Variants in SCAP observed in about 807,000 individuals in gnomAD.
SCAP encodes the protein SREBF chaperone, also known as sterol regulatory element-binding protein cleavage-activating protein.
Under a neutral mutation model 123.6 loss-of-function variants are expected in SCAP, and 65 were observed. The ratio of observed to expected loss-of-function variants is 0.53; its 90% confidence interval spans 0.43 to 0.65. The LOEUF (loss-of-function observed/expected upper bound fraction) is 0.65, where lower values mean the gene tolerates loss of function less well. Ranked by LOEUF, SCAP falls within the 30% of genes least tolerant of loss-of-function variation. The probability of loss-of-function intolerance (pLI) is 0.00; values close to 1 mark genes in which losing one functional copy is unlikely to be tolerated. For synonymous variants in SCAP, 740 were observed against 726.3 expected, an observed-to-expected ratio of 1.02 and a Z score of -0.30; for missense variants, 1,398 against 1,712.5, an observed-to-expected ratio of 0.82 and a Z score of 3.24.
At position 47,414,261 on chromosome 3, in the gene SCAP, G is replaced by C. The variant is rs1262125660; in HGVS notation, c.3513C>G (p.Ser1171=). ...GDVTSLTCTT[S]CVISSGLDDL... Reference sequence around the variant, plus strand: ...CATCCAGGCCACTGCTGATGACACAGGAGGTGGTACAGGTAAGGGAGGTGA... The same window carrying C: ...CATCCAGGCCACTGCTGATGACACACGAGGTGGTACAGGTAAGGGAGGTGA... Residue 1171 remains serine (S), a synonymous_variant, in exon 22 of 23, where the codon TCC becomes TCG. Coordinates refer to ENST00000265565, the MANE Select transcript of SCAP (RefSeq NM_012235.4). The C allele has an allele frequency of 6.2e-7, 1 of 1,613,638 alleles. No individual in the cohort carries two copies. Among genetic ancestry groups the C allele is most frequent in the Non-Finnish European group, 8.5e-7 (1 of 1,180,030 alleles).
intron 1 of SCAP, among the ~76,000 whole-genome samples, chr3:47,452,813 G>A (rs2101247): frequency 0.38 from 57,434 of 151,844 alleles, 11,224 homozygotes; most frequent in East Asian, 0.53. Context: ...GGCAGGCATC[G>A]TAGCTAACTA....
At chr3:47,460,726 TTTC>T (rs1707601520) in intron 1 of SCAP, among the ~76,000 whole-genome samples, 1 of 151,836 alleles carries the variant, frequency 6.6e-6, no homozygotes, top group Non-Finnish European at 1.5e-5. Flanking sequence ...CCCAGCTAAT[TTTC>T]TTATTTTTAG....
chr3:47,462,753 C>CAAAAAA (rs369097240), intron 1 of SCAP, among the ~76,000 whole-genome samples: 2 of 79,612 alleles, frequency 2.5e-5, no homozygotes, highest in East Asian at 3.2e-4. Context: ...AACTCCGTCT[C>CAAAAAA]AAAAAAAAAA....
chr3:47,430,671 G>A (rs1336799510), intron 3 of SCAP, among the ~76,000 whole-genome samples: 3 of 152,216 alleles, frequency 2.0e-5, no homozygotes, highest in African/African-American at 7.2e-5. Flanking sequence ...CTGAGGTGAA[G>A]GGGCAACCTG....
rs777899838 is a variant in SCAP, at chr3:47,414,634, A to G, written c.3325T>C (p.Ser1109Pro). 3.7e-6 allele frequency: 6 copies of G among 1,613,216 alleles called. No individual in the cohort carries two copies. The highest frequency in any genetic ancestry group is 5.1e-6 in the Non-Finnish European group (6 of 1,180,020). Residue 1109 changes from serine to proline, a missense_variant, in exon 21 of 23, where the codon TCG becomes CCG. Ser to Pro is a moderately conservative substitution (Grantham distance 74). Coordinates refer to ENST00000265565, the MANE Select transcript of SCAP (RefSeq NM_012235.4). ...HTLRVFRLED[S>P]CCLFTLQGHS... is the part of the protein sequence containing the mutation. ...CCCTGAAGGGTGAAGAGGCAGCACGAGTCCTCCAGACGGAACACCTGGGAC... is the reference window on the plus strand; with the variant it reads ...CCCTGAAGGGTGAAGAGGCAGCACGGGTCCTCCAGACGGAACACCTGGGAC...
intron 13 of SCAP, 118 bp from the exon 14 acceptor site, chr3:47,418,961 C>A (rs1236479620): frequency 1.6e-5 from 18 of 1,118,092 alleles, no homozygotes; most frequent in Non-Finnish European, 2.1e-5. Context: ...CGGCCAGACT[C>A]TCCCAGCATG....
chr3:47,460,346 T>C (rs1707584822), intron 1 of SCAP, among the ~76,000 whole-genome samples: 1 of 152,122 alleles, frequency 6.6e-6, no homozygotes, highest in South Asian at 2.1e-4. Flanking sequence ...ATGTCCATAT[T>C]AAAAGGAAAT....
At chr3:47,459,515 A>C (rs1055453312) in intron 1 of SCAP, among the ~76,000 whole-genome samples, 32 of 152,154 alleles carry the variant, frequency 2.1e-4, no homozygotes, top group African/African-American at 7.2e-4. Flanking sequence ...CAAAGAGAGG[A>C]ATTTTACAGC....
At chr3:47,449,121 G>A (rs549402764) in intron 1 of SCAP, among the ~76,000 whole-genome samples, 1 of 152,286 alleles carries the variant, frequency 6.6e-6, no homozygotes, top group South Asian at 2.1e-4. Flanking sequence ...AGGGGCCAGT[G>A]CAGAACTACT....
chr3:47,418,004 TG>T (rs1705701919), intron 16 of SCAP, 129 bp downstream of exon 16: 1 of 236,550 alleles, frequency 4.2e-6, no homozygotes, highest in Non-Finnish European at 8.1e-6. Context: ...GGTGCGGGGG[TG>T]GGGGGAGAGG....
chr3:47,448,367 G>A (rs1707131142), intron 1 of SCAP, among the ~76,000 whole-genome samples: 1 of 152,118 alleles, frequency 6.6e-6, no homozygotes, highest in South Asian at 2.1e-4. Flanking sequence ...GTGTGTGTGT[G>A]TGTGGATTCT....
chr3:47,471,952 C>G (rs1335533480), intron 1 of SCAP, among the ~76,000 whole-genome samples: 1 of 150,708 alleles, frequency 6.6e-6, no homozygotes, highest in Admixed American at 6.6e-5. Flanking sequence ...ACCAGCCTAA[C>G]CAATATGGTG....
At chr3:47,418,626 T>A (rs529398318) in intron 14 of SCAP, 29 bp downstream of exon 14, 51 of 1,459,592 alleles carry the variant, frequency 3.5e-5, no homozygotes, top group Non-Finnish European at 4.7e-5. Context: ...CCGCACTCTT[T>A]CCCACCCCAC....
chr3:47,473,560 G>A (rs1019372572), intron 1 of SCAP, among the ~76,000 whole-genome samples: 1 of 152,086 alleles, frequency 6.6e-6, no homozygotes, highest in African/African-American at 2.4e-5. Flanking sequence ...GTTCAACGGG[G>A]GTGATGACAC....
chr3:47,414,930 C>T lies in SCAP; in HGVS notation c.3203G>A (p.Cys1068Tyr), dbSNP rs755417165. The T allele has an allele frequency of 2.5e-6, 4 of 1,612,492 alleles. No homozygotes were observed. The highest frequency in any genetic ancestry group is 8.5e-7 in the Non-Finnish European group (1 of 1,179,672). ...PVYSSSDTVA[C>Y]HLTHTVPCAH... ...ACAGGGCACTGTGTGGGTCAGGTGA[C>T]AGGCCACTGTGTCGCTGCTGCTGTA... The change falls in exon 20 of 23, where the codon TGT becomes TAT. Residue 1068 changes from cysteine to tyrosine, a missense_variant. Physicochemically the swap from Cys to Tyr is radical, Grantham distance 194 (BLOSUM62 -2). Coordinates refer to ENST00000265565, the MANE Select transcript of SCAP (RefSeq NM_012235.4).
chr3:47,472,956 T>C (rs1260024686), intron 1 of SCAP, among the ~76,000 whole-genome samples: 3 of 151,376 alleles, frequency 2.0e-5, no homozygotes, highest in African/African-American at 4.9e-5. Context: ...AGTGCATGCC[T>C]GTAATCCCAG....
At chr3:47,429,339 T>C (rs1299984384) in intron 3 of SCAP, among the ~76,000 whole-genome samples, 1 of 152,256 alleles carries the variant, frequency 6.6e-6, no homozygotes. Flanking sequence ...AACGATGGCC[T>C]GTAGGCCAAA....
chr3:47,446,654 T>C (rs568074921), intron 1 of SCAP, among the ~76,000 whole-genome samples: 1 of 152,230 alleles, frequency 6.6e-6, no homozygotes, highest in African/African-American at 2.4e-5. Flanking sequence ...TTTAAGTCTG[T>C]AATCCAGCTG....
At chr3:47,436,408 G>A (rs181203105) in intron 2 of SCAP, among the ~76,000 whole-genome samples, 8 of 152,274 alleles carry the variant, frequency 5.3e-5, no homozygotes, top group East Asian at 3.9e-4. Context: ...CCAAGCGGGC[G>A]GATCATTTGA....
Sources: allele counts gnomAD v4.1 joint callset (sites outside exome capture counted in the v4.1 genomes callset), GRCh38; gene constraint gnomAD v4.1.1; transcripts MANE v1.5; gene names NCBI Gene and HGNC (gene_info 2026-07-23, HGNC 2026-07-21).